Variants in STX1B observed in about 807,000 individuals in gnomAD.
STX1B encodes the protein syntaxin-1B.
STX1B carries 7 observed loss-of-function variants against 39.4 expected under a neutral mutation model. The ratio of observed to expected loss-of-function variants is 0.18; its 90% CI spans 0.10 to 0.33. The LOEUF is 0.33. Ranked by LOEUF, STX1B falls within the 10% of genes least tolerant of loss-of-function variation. STX1B has a pLI of 1.00. For synonymous variants in STX1B, 136 were observed against 144.1 expected, an observed-to-expected ratio of 0.94 and a Z score of 0.40; for missense variants, 198 against 383.2, an observed-to-expected ratio of 0.52 and a Z score of 4.04.
intron 1 of STX1B, among the ~76,000 whole-genome samples, chr16:31,004,316 C>A (rs1247006231): frequency 6.6e-6 from 1 of 152,192 alleles, no homozygotes. Context: ...TTCATTCTTA[C>A]AACAGTCCCC....
At chr16:31,005,712 A>G (rs2056651833) in intron 1 of STX1B, among the ~76,000 whole-genome samples, 1 of 152,162 alleles carries the variant, frequency 6.6e-6, no homozygotes, top group African/African-American at 2.4e-5. Flanking sequence ...AACTTGCCCA[A>G]GATCACACAG....
chr16:30,999,904 G>A (rs1008615259), intron 4 of STX1B, among the ~76,000 whole-genome samples: 4 of 152,132 alleles, frequency 2.6e-5, no homozygotes, highest in African/African-American at 7.2e-5. Flanking sequence ...GGAAAGCTGG[G>A]GTTTTGTGCT....
chr16:30,993,077 C>CGGGCTCAGCCTT lies in STX1B; in HGVS notation c.786+41_786+52dup, dbSNP rs752907216. The stretch of plus-strand genomic sequence containing the variant: ...CCCGCTGCCATCACTCACCTCAGCC[C>CGGGCTCAGCCTT]GGGCTCAGCCTTGGGCTCCCCCGCC... On this transcript the variant is annotated intron_variant, in intron 9 of 9. Coordinates refer to ENST00000215095, the MANE Select transcript of STX1B (RefSeq NM_052874.5). 3 of 1,563,984 alleles carry CGGGCTCAGCCTT rather than the reference C, an allele frequency of 1.9e-6. No homozygotes were observed. In the East Asian group the frequency reaches 6.7e-5, roughly 35 times the overall value.
At chr16:31,010,336 GCCCCCC>G (rs750960972) in intron 1 of STX1B, 25 bp downstream of exon 1, 1 of 314,538 alleles carries the variant, frequency 3.2e-6, no homozygotes, top group Admixed American at 4.7e-5. Flanking sequence ...TTGGGGTCCC[GCCCCCC>G]CATTCTCCCC....
intron 7 of STX1B, among the ~76,000 whole-genome samples, chr16:30,995,496 T>TC (rs1361515640): frequency 1.7e-4 from 25 of 150,272 alleles, no homozygotes; most frequent in Non-Finnish European, 8.9e-5. Flanking sequence ...TTTCTTTCTT[T>TC]TTTTTTTTTT....
chr16:30,999,743 A>C (rs1383467398), intron 4 of STX1B, among the ~76,000 whole-genome samples: 3 of 152,216 alleles, frequency 2.0e-5, no homozygotes, highest in Admixed American at 6.5e-5. Flanking sequence ...AGGAGAGATG[A>C]GGACTTAATG....
chr16:31,000,688 C>T (rs2056622072), intron 4 of STX1B, among the ~76,000 whole-genome samples: 1 of 152,100 alleles, frequency 6.6e-6, no homozygotes, highest in Non-Finnish European at 1.5e-5. Context: ...GATGGGGTTT[C>T]ACCATCTTGG....
At chr16:31,009,791 C>T (rs919077165) in intron 1 of STX1B, among the ~76,000 whole-genome samples, 2 of 151,832 alleles carry the variant, frequency 1.3e-5, no homozygotes, top group African/African-American at 2.4e-5. Context: ...TGTCTCAGGC[C>T]CTGGCCCTCT....
In STX1B at chr16:30,992,762, G is replaced by T; in HGVS notation, c.*59C>A. The stretch of plus-strand genomic sequence containing the variant: ...AGGGGATGGAGTGAAAGGGGTGGTG[G>T]GGGTATTGCTCCCGATGTGGTGGGG... On this transcript the variant is annotated 3_prime_UTR_variant, in exon 10 of 10. Coordinates refer to ENST00000215095, the MANE Select transcript of STX1B (RefSeq NM_052874.5). 9.5e-7 allele frequency: 1 copy of T among 1,051,862 alleles called. No homozygotes were observed. The highest frequency in any genetic ancestry group is 1.8e-5 in the Admixed American group (1 of 54,584). The allele number at this position is 1,051,862 out of a possible 1,614,324, so 65.2% of individuals were successfully genotyped here. A position where few individuals can be genotyped will look rare whatever the true frequency, so the allele number is the denominator to read the frequency against.
intron 1 of STX1B, among the ~76,000 whole-genome samples, chr16:31,004,204 G>A (rs1010443915): frequency 3.3e-5 from 5 of 152,348 alleles, no homozygotes; most frequent in Middle Eastern, 6.8e-3. Flanking sequence ...TTAGGACTCT[G>A]TAAGGACCAT....
At chr16:30,998,642 A>T (rs2056608166) in intron 4 of STX1B, among the ~76,000 whole-genome samples, 1 of 152,226 alleles carries the variant, frequency 6.6e-6, no homozygotes, top group Admixed American at 6.5e-5. Context: ...ACTCAAGGTC[A>T]CACCCAAAGC....
At chr16:31,005,080 G>A (rs890433083) in intron 1 of STX1B, among the ~76,000 whole-genome samples, 1 of 152,202 alleles carries the variant, frequency 6.6e-6, no homozygotes, top group Non-Finnish European at 1.5e-5. Flanking sequence ...CCCAGCCTCC[G>A]TCTGTCTTGC....
At position 31,000,975 on chromosome 16, in the gene STX1B, G is replaced by A. The variant is rs2056624640; in HGVS notation, c.233C>T (p.Thr78Ile). The A allele has an allele frequency of 1.2e-6, 2 of 1,614,156 alleles. No homozygotes were observed. Among genetic ancestry groups the A allele is most frequent in the Non-Finnish European group, 1.7e-6 (2 of 1,180,034 alleles). ...GTTGGCCGTCTTCTTGATGTCTGCA[G>A]TGAGATCCTCCAGCTCCTGTTTGGT... is the stretch of plus-strand genomic sequence containing the variant. ...EKTKQELEDL[T>I]ADIKKTANKV... Residue 78 changes from threonine to isoleucine, a missense_variant, in exon 4 of 10, where the codon ACT (threonine) becomes ATT (isoleucine). Thr to Ile is a moderately conservative substitution (Grantham distance 89). Transcript: ENST00000215095.
intron 7 of STX1B, among the ~76,000 whole-genome samples, chr16:30,995,672 A>T (rs1419206594): frequency 6.6e-6 from 1 of 151,546 alleles, no homozygotes; most frequent in African/African-American, 2.4e-5. Context: ...TGTATTTTTA[A>T]TAGAGACAGA....
intron 7 of STX1B, 184 bp downstream of exon 7, chr16:30,996,499 C>G (rs2056592628): frequency 2.3e-5 from 14 of 603,372 alleles, no homozygotes; most frequent in Non-Finnish European, 3.8e-5. Context: ...GCCTGGCACA[C>G]GAACGACTCC....
At chr16:30,997,182 G>C in intron 5 of STX1B, 123 bp from the exon 6 acceptor site, 1 of 704,950 alleles carries the variant, frequency 1.4e-6, no homozygotes, top group South Asian at 1.6e-5. Flanking sequence ...AGGAAGCGCT[G>C]AATTAGTTTA....
At position 30,989,577 on chromosome 16, in the gene STX1B, A is replaced by G. The variant is rs1388862914; in HGVS notation, c.*3244T>C. The G allele has an allele frequency of 1.3e-5, 2 of 152,390 alleles. No homozygotes were observed. Among genetic ancestry groups the G allele is most frequent in the African/African-American group, 2.4e-5 (1 of 41,426 alleles). 9.4% of individuals were successfully genotyped at this position (152,390 alleles called of 1,614,324 possible). On this transcript the variant is annotated 3_prime_UTR_variant, in exon 10 of 10. Coordinates refer to ENST00000215095, the MANE Select transcript of STX1B (RefSeq NM_052874.5). The stretch of plus-strand genomic sequence containing the variant: ...AGAGAAGGGGGCAGGGGCTCATGTC[A>G]GCAAACACGGCTACATCACGTGACA...
intron 6 of STX1B, 97 bp downstream of exon 6, chr16:30,996,854 G>A: frequency 6.4e-7 from 1 of 1,567,486 alleles, no homozygotes; most frequent in South Asian, 1.1e-5. Flanking sequence ...CTCCCACGCC[G>A]CCTTAAGCCA....
At chr16:31,002,386 C>G (rs1048968320) in intron 1 of STX1B, among the ~76,000 whole-genome samples, 1 of 152,194 alleles carries the variant, frequency 6.6e-6, no homozygotes, top group Admixed American at 6.5e-5. Context: ...GACAGACAGA[C>G]TCGAGACACA....
Sources: allele counts gnomAD v4.1 joint callset (sites outside exome capture counted in the v4.1 genomes callset), GRCh38; gene constraint gnomAD v4.1.1; transcripts MANE v1.5; gene names NCBI Gene and HGNC (gene_info 2026-07-23, HGNC 2026-07-21).